CDKAL1: variants seen among roughly 807,000 people sequenced by gnomAD.
CDKAL1 encodes the protein CDKAL1 threonylcarbamoyladenosine tRNA methylthiotransferase.
Under a neutral mutation model 68.2 loss-of-function variants are expected in CDKAL1, and 32 were observed. That is an observed-to-expected ratio of 0.47 (90% CI 0.35 to 0.63). The LOEUF (loss-of-function observed/expected upper bound fraction) is 0.63, where lower values mean the gene tolerates loss of function less well. Ranked by LOEUF, CDKAL1 falls within the 30% of genes least tolerant of loss-of-function variation. The pLI is 0.00. For synonymous variants in CDKAL1, 234 were observed against 244.3 expected (o/e 0.96, Z 0.39); for missense variants, 606 against 696.7 (o/e 0.87, Z 1.47).
At position 21,169,927 on chromosome 6, in the gene CDKAL1, C is replaced by CCT. The variant is rs576933113; in HGVS notation, c.1300-28093_1300-28092insTC. On this transcript the variant is annotated intron_variant, in intron 13 of 15. Coordinates refer to ENST00000274695, the MANE Select transcript of CDKAL1 (RefSeq NM_017774.3). ...CCAGAACAGTACGGGAAAGACCCCC[C>CCT]CCACCCCATGATTCAGTTACCTCCC... 3.4e-3 allele frequency among the ~76,000 whole-genome samples: 453 copies of CCT among 133,284 alleles called. 11 individuals are homozygous for CCT. The highest frequency in any genetic ancestry group is 0.012 in the African/African-American group (437 of 35,050). The allele number at this position is 133,284 out of a possible 152,430, so 87.4% of individuals were successfully genotyped here. A position where few individuals can be genotyped will look rare whatever the true frequency, so the allele number is the denominator to read the frequency against.
At chr6:20,904,026 G>A (rs1012332365) in intron 9 of CDKAL1, among the ~76,000 whole-genome samples, 1 of 152,184 alleles carries the variant, frequency 6.6e-6, no homozygotes, top group African/African-American at 2.4e-5. Flanking sequence ...CAGCCTTGGG[G>A]TAGGCAGCCA....
intron 15 of CDKAL1, among the ~76,000 whole-genome samples, chr6:21,229,316 A>G (rs1779867962): frequency 6.6e-6 from 1 of 152,128 alleles, no homozygotes; most frequent in African/African-American, 2.4e-5. Context: ...TTCTACATCA[A>G]AAGTCTGTTG....
At chr6:20,662,737 T>TG (rs1474928502) in intron 5 of CDKAL1, among the ~76,000 whole-genome samples, 1 of 152,162 alleles carries the variant, frequency 6.6e-6, no homozygotes, top group Non-Finnish European at 1.5e-5. Context: ...TTCCTTTGCA[T>TG]GTTTATCTTT....
intron 4 of CDKAL1, among the ~76,000 whole-genome samples, chr6:20,625,508 A>G (rs1218979369): frequency 1.3e-5 from 2 of 152,166 alleles, no homozygotes; most frequent in Non-Finnish European, 2.9e-5. Context: ...TCTTTAACTT[A>G]TGACAAATCC....
intron 9 of CDKAL1, among the ~76,000 whole-genome samples, chr6:20,867,551 G>C (rs78565935): frequency 0.028 from 4,264 of 151,794 alleles, 195 homozygotes; most frequent in African/African-American, 0.097. Context: ...GATTTCAGAC[G>C]ACTGTCAGAT....
chr6:20,746,821 T>C (rs1357814839), intron 6 of CDKAL1, among the ~76,000 whole-genome samples: 2 of 152,208 alleles, frequency 1.3e-5, no homozygotes, highest in African/African-American at 4.8e-5. Context: ...AAATAACTTA[T>C]CCATCTCCTT....
chr6:20,914,945 G>A (rs1192927891), intron 9 of CDKAL1, among the ~76,000 whole-genome samples: 1 of 151,756 alleles, frequency 6.6e-6, no homozygotes, highest in African/African-American at 2.4e-5. Context: ...TACTATGGTG[G>A]GTATAAGATT....
At chr6:20,653,600 C>T (rs1017293453) in intron 5 of CDKAL1, among the ~76,000 whole-genome samples, 44 of 150,872 alleles carry the variant, frequency 2.9e-4, no homozygotes, top group African/African-American at 7.3e-4. Flanking sequence ...CACAGGCGGG[C>T]GCCACCACAC....
At chr6:20,572,420 A>G (rs917925217) in intron 4 of CDKAL1, among the ~76,000 whole-genome samples, 6 of 152,184 alleles carry the variant, frequency 3.9e-5, no homozygotes, top group African/African-American at 1.2e-4. Context: ...CCTGTGTTCA[A>G]TATTAATATG....
At chr6:20,909,098 T>G (rs1380403270) in intron 9 of CDKAL1, among the ~76,000 whole-genome samples, 1 of 152,046 alleles carries the variant, frequency 6.6e-6, no homozygotes, top group Non-Finnish European at 1.5e-5. Context: ...ACCCTAAAGC[T>G]AAAATCATCT....
At chr6:21,192,222 C>G (rs1246333893) in intron 13 of CDKAL1, among the ~76,000 whole-genome samples, 1 of 149,434 alleles carries the variant, frequency 6.7e-6, no homozygotes, top group Non-Finnish European at 1.5e-5. Flanking sequence ...GGGGTTTCAC[C>G]TTGTTAGCCA....
intron 12 of CDKAL1, among the ~76,000 whole-genome samples, chr6:21,084,104 G>A (rs1001261997): frequency 1.3e-5 from 2 of 152,026 alleles, no homozygotes; most frequent in African/African-American, 2.4e-5. Context: ...GAAACGGGAG[G>A]CCTTGAAAAC....
intron 13 of CDKAL1, among the ~76,000 whole-genome samples, chr6:21,179,073 A>G (rs1010423436): frequency 2.9e-4 from 44 of 152,274 alleles, no homozygotes; most frequent in African/African-American, 9.2e-4. Context: ...CCTAGGACAC[A>G]GCAAGTGACG....
At chr6:20,846,788 G>GT (rs1778391244) in intron 9 of CDKAL1, among the ~76,000 whole-genome samples, 1 of 152,174 alleles carries the variant, frequency 6.6e-6, no homozygotes, top group Non-Finnish European at 1.5e-5. Context: ...AGCATATATA[G>GT]TAAGACTTAT....
chr6:20,722,876 C>T (rs1046978141), intron 5 of CDKAL1, among the ~76,000 whole-genome samples: 11 of 152,082 alleles, frequency 7.2e-5, no homozygotes, highest in African/African-American at 2.2e-4. Context: ...AGCCTGACAT[C>T]GGGGTAGAGA....
chr6:20,724,100 T>C (rs1200698525), intron 5 of CDKAL1, among the ~76,000 whole-genome samples: 1 of 151,312 alleles, frequency 6.6e-6, no homozygotes. Context: ...ACCTGGATAC[T>C]TTTTTTTTGT....
chr6:21,071,700 T>C (rs1771776362), intron 12 of CDKAL1, among the ~76,000 whole-genome samples: 6 of 152,190 alleles, frequency 3.9e-5, no homozygotes, highest in Admixed American at 3.9e-4. Flanking sequence ...ACCTGTAGAT[T>C]CTAGGCTATC....
chr6:20,669,467 G>A (rs554162933), intron 5 of CDKAL1, among the ~76,000 whole-genome samples: 10 of 152,240 alleles, frequency 6.6e-5, no homozygotes, highest in Non-Finnish European at 1.5e-4. Flanking sequence ...TTGGCCAATG[G>A]AAATGTCTTC....
chr6:20,960,546 A>G (rs761815943), intron 10 of CDKAL1, among the ~76,000 whole-genome samples: 1 of 152,354 alleles, frequency 6.6e-6, no homozygotes, highest in Non-Finnish European at 1.5e-5. Context: ...GAAATCCAAC[A>G]TGACTGTTAT....
Sources: gnomAD v4.1 joint callset for allele counts (sites outside exome capture counted in the v4.1 genomes callset) on GRCh38, gnomAD v4.1.1 for gene constraint, MANE v1.5 for transcripts, NCBI Gene and HGNC (gene_info 2026-07-23, HGNC 2026-07-21) for gene names.